TBC1D8B: variants seen among roughly 807,000 people sequenced by gnomAD.
The protein encoded by TBC1D8B is RP11-321G1.1.
TBC1D8B carries 75 observed loss-of-function variants against 82.9 expected under a neutral mutation model. That is an observed-to-expected ratio of 0.90 (90% CI 0.75 to 1.10). TBC1D8B has a LOEUF of 1.10. Among genes scored for constraint, TBC1D8B ranks in the 50% least tolerant of loss-of-function variants. The probability of loss-of-function intolerance (pLI) is 0.00; values close to 1 mark genes in which losing one functional copy is unlikely to be tolerated. For missense variants in TBC1D8B, 794 were observed against 796.9 expected (o/e 1.00, Z 0.04); for synonymous variants, 276 against 276.8 (o/e 1.00, Z 0.03).
Position 106,873,605 on chromosome X carries a change from C to T in TBC1D8B, c.3003C>T (p.Asn1001=), listed in dbSNP as rs1447036605. 4 of 1,206,689 alleles carry T rather than the reference C, an allele frequency of 3.3e-6. No individual in the cohort carries two copies. The highest frequency in any genetic ancestry group is 2.2e-5 in the Admixed American group (1 of 44,974). Residue 1001 remains asparagine, a synonymous_variant, in exon 21 of 21, where the codon AAC becomes AAT. Coordinates refer to ENST00000357242, the MANE Select transcript of TBC1D8B (RefSeq NM_017752.3). ...TTCAGTTTTCAAAGACCCTCTATAA[C>T]TTATTTCATGAGGACCCTGAAGAAG... ...QFIQFSKTLY[N]LFHEDPEEES...
At position 106,840,167 on chromosome X, in the gene TBC1D8B, A is replaced by G; in HGVS notation, c.1473A>G (p.Thr491=). The G allele has an allele frequency of 8.3e-7, 1 of 1,210,079 alleles. No individual in the cohort carries two copies. Among genetic ancestry groups the G allele is most frequent in the Middle Eastern group, 2.3e-4 (1 of 4,343 alleles). ...RDLVVRGIPE[T]LRGELWMLFS... ...TTGTTGTAAGAGGGATTCCAGAAAC[A>G]TTAAGAGGAGAACTCTGGATGCTTT... The change falls in exon 9 of 21, where the codon ACA becomes ACG. Residue 491 remains threonine, a synonymous_variant. Transcript: ENST00000357242.
intron 1 of TBC1D8B, among the ~76,000 whole-genome samples, chrX:106,805,568 T>G: frequency 8.9e-6 from 1 of 112,338 alleles, no homozygotes; most frequent in Admixed American, 9.4e-5. Context: ...AGTGGTCAGT[T>G]TATAACTCTT....
intron 1 of TBC1D8B, chrX:106,815,328 G>C (rs1449446440): frequency 1.8e-5 from 2 of 110,774 alleles, no homozygotes; most frequent in Non-Finnish European, 3.8e-5. Flanking sequence ...GCTTGTTTTT[G>C]TCAGGTTTGT....
chrX:106,819,421 C>T (rs1046368289), intron 2 of TBC1D8B, among the ~76,000 whole-genome samples: 1 of 111,027 alleles, frequency 9.0e-6, no homozygotes, highest in East Asian at 2.8e-4. Context: ...TTTCTTACTT[C>T]CTTTTATGAT....
intron 10 of TBC1D8B, 132 bp downstream of exon 10, chrX:106,841,016 G>T: frequency 2.0e-6 from 1 of 510,163 alleles, no homozygotes; most frequent in Non-Finnish European, 3.2e-6. Context: ...TAGTATTAAT[G>T]TAAGTAGGAT....
intron 4 of TBC1D8B, 103 bp downstream of exon 4, chrX:106,822,305 G>A: frequency 1.5e-6 from 1 of 645,809 alleles, no homozygotes; most frequent in East Asian, 3.6e-5. Flanking sequence ...GATATTAAAG[G>A]TAATTAAACT....
chrX:106,849,710 T>C, intron 11 of TBC1D8B: 1 of 864,590 alleles, frequency 1.2e-6, no homozygotes, highest in Non-Finnish European at 1.4e-6. Flanking sequence ...GTATTTATCT[T>C]GTGTTATGCT....
chrX:106,827,792 G>A (rs150259195), intron 7 of TBC1D8B: 3,417 of 111,877 alleles, frequency 0.031, 62 homozygotes, highest in Non-Finnish European at 0.045. Flanking sequence ...GCAAAATAGT[G>A]GTATATCTGT....
chrX:106,853,073 A>G (rs1310133030), intron 12 of TBC1D8B, among the ~76,000 whole-genome samples: 1 of 111,275 alleles, frequency 9.0e-6, no homozygotes, highest in Non-Finnish European at 1.9e-5. Flanking sequence ...ATGTTCTTCT[A>G]TTTGTTTGTA....
intron 10 of TBC1D8B, among the ~76,000 whole-genome samples, chrX:106,847,579 G>T (rs1050358266): frequency 2.7e-5 from 3 of 111,767 alleles, no homozygotes; most frequent in African/African-American, 9.7e-5. Flanking sequence ...TAGGTAAGAA[G>T]CAGCAGCAAG....
intron 12 of TBC1D8B, among the ~76,000 whole-genome samples, chrX:106,853,314 G>A (rs1932630347): frequency 9.0e-6 from 1 of 111,358 alleles, no homozygotes; most frequent in African/African-American, 3.3e-5. Context: ...TCAGCTTGAG[G>A]AGATTTTGGG....
Position 106,876,012 on chromosome X carries a change from G to A in TBC1D8B, c.*2047G>A, listed in dbSNP as rs1932886059. 9.0e-6 allele frequency: 1 copy of A among 111,478 alleles called. No homozygotes were observed. The highest frequency in any genetic ancestry group is 1.9e-5 in the Non-Finnish European group (1 of 53,038). The allele number at this position is 111,478 out of a possible 1,213,427, so 9.2% of individuals were successfully genotyped here. A position where few individuals can be genotyped will look rare whatever the true frequency, so the allele number is the denominator to read the frequency against. The stretch of plus-strand genomic sequence containing the variant: ...AGCTGCTATCTTGTTAACCAAACAG[G>A]TTGTTCATAATATTAAAAATCTTAC... On this transcript the variant is annotated 3_prime_UTR_variant, in exon 21 of 21. Transcript: ENST00000357242.
intron 14 of TBC1D8B, 123 bp from the exon 15 acceptor site, chrX:106,865,436 A>C (rs764385999): frequency 3.0e-5 from 11 of 366,068 alleles, no homozygotes; most frequent in Admixed American, 5.3e-5. Context: ...TTTATTATTC[A>C]TTTAAGAAGT....
intron 7 of TBC1D8B, among the ~76,000 whole-genome samples, chrX:106,836,825 T>C (rs1378299230): frequency 8.9e-6 from 1 of 111,888 alleles, no homozygotes; most frequent in Non-Finnish European, 1.9e-5. Context: ...ATTGTGATAC[T>C]GGCATAAGGG....
intron 17 of TBC1D8B, 125 bp downstream of exon 17, chrX:106,866,987 G>C: frequency 2.3e-6 from 1 of 443,272 alleles, no homozygotes; most frequent in Non-Finnish European, 3.8e-6. Flanking sequence ...GCTTCACTGT[G>C]GCCCTCAAAT....
chrX:106,834,774 A>G (rs923221308), intron 7 of TBC1D8B, among the ~76,000 whole-genome samples: 3 of 112,241 alleles, frequency 2.7e-5, no homozygotes, highest in African/African-American at 6.5e-5. Flanking sequence ...CAGCCAAATC[A>G]TAAAGCCCTG....
At chrX:106,841,356 ATT>A in intron 10 of TBC1D8B, among the ~76,000 whole-genome samples, 1 of 112,092 alleles carries the variant, frequency 8.9e-6, no homozygotes, top group Admixed American at 9.5e-5. Context: ...AAATTGGTGA[ATT>A]TTGGACATAT....
intron 20 of TBC1D8B, among the ~76,000 whole-genome samples, chrX:106,872,876 G>A (rs1000272322): frequency 5.4e-5 from 6 of 110,950 alleles, no homozygotes; most frequent in African/African-American, 2.0e-4. Context: ...AAGCTGAGGT[G>A]TGAGGATCAC....
chrX:106,844,999 T>G (rs2147756298), intron 10 of TBC1D8B, among the ~76,000 whole-genome samples: 1 of 111,284 alleles, frequency 9.0e-6, no homozygotes, highest in South Asian at 3.8e-4. Context: ...GATTATCTAA[T>G]TTGTTGGCAT....
Sources: allele counts gnomAD v4.1 joint callset (sites outside exome capture counted in the v4.1 genomes callset), GRCh38; gene constraint gnomAD v4.1.1; transcripts MANE v1.5; gene names NCBI Gene and HGNC (gene_info 2026-07-23, HGNC 2026-07-21).